PARVA: variants seen among roughly 807,000 people sequenced by gnomAD.
The protein encoded by PARVA is parvin alpha, also known as alpha-parvin.
A neutral mutation model predicts 52.6 loss-of-function variants in PARVA; 25 were observed. That is an observed-to-expected ratio of 0.48 (90% CI 0.35 to 0.66). The LOEUF is 0.66. PARVA is among the 30% of genes least tolerant of loss of function. The pLI is 0.01. For missense variants in PARVA, 373 were observed against 450.9 expected, an observed-to-expected ratio of 0.83 and a Z score of 1.56; for synonymous variants, 185 against 179.1, an observed-to-expected ratio of 1.03 and a Z score of -0.26.
intron 12 of PARVA, among the ~76,000 whole-genome samples, chr11:12,520,697 C>T (rs1016500414): frequency 1.3e-5 from 2 of 152,182 alleles, no homozygotes; most frequent in Non-Finnish European, 2.9e-5. Flanking sequence ...CACCTGTAAT[C>T]CCAACACTTT....
chr11:12,395,005 C>T (rs4757421), intron 1 of PARVA, among the ~76,000 whole-genome samples: 10,194 of 151,256 alleles, frequency 0.067, 387 homozygotes, highest in South Asian at 0.1. Flanking sequence ...GCAGGAGAAT[C>T]GCTTGAACCC....
chr11:12,423,739 G>T (rs1413384701), intron 1 of PARVA, among the ~76,000 whole-genome samples: 3 of 152,144 alleles, frequency 2.0e-5, no homozygotes, highest in African/African-American at 7.2e-5. Flanking sequence ...CTATTGTCGT[G>T]ATTCTTAGTT....
intron 1 of PARVA, among the ~76,000 whole-genome samples, chr11:12,443,993 A>T (rs1940508404): frequency 6.6e-6 from 1 of 152,110 alleles, no homozygotes; most frequent in Non-Finnish European, 1.5e-5. Flanking sequence ...TGTAGTACTG[A>T]ACCTGGCTCC....
At chr11:12,515,386 C>G (rs1318574251) in intron 10 of PARVA, among the ~76,000 whole-genome samples, 2 of 152,174 alleles carry the variant, frequency 1.3e-5, no homozygotes, top group African/African-American at 2.4e-5. Flanking sequence ...GCTTCATGTA[C>G]TCTTGTAGGA....
At chr11:12,388,772 GTAAA>G (rs1362037564) in intron 1 of PARVA, among the ~76,000 whole-genome samples, 1 of 151,566 alleles carries the variant, frequency 6.6e-6, no homozygotes, top group African/African-American at 2.4e-5. Context: ...TTATTATAAT[GTAAA>G]TATTTTTGTG....
At chr11:12,463,689 C>G (rs529891992) in intron 1 of PARVA, among the ~76,000 whole-genome samples, 2 of 152,308 alleles carry the variant, frequency 1.3e-5, no homozygotes, top group Admixed American at 1.3e-4. Context: ...GCAGCCCACA[C>G]ATAAAGAGTG....
At chr11:12,475,762 T>C (rs988918655) in intron 3 of PARVA, among the ~76,000 whole-genome samples, 3 of 152,218 alleles carry the variant, frequency 2.0e-5, no homozygotes, top group African/African-American at 7.2e-5. Context: ...TAGGCCGCCA[T>C]GCAGCCCCTT....
Position 12,440,362 on chromosome 11 carries a change from C to T in PARVA, c.137-33383C>T, listed in dbSNP as rs117866362. Among the ~76,000 whole-genome samples the T allele has an allele frequency of 2.6e-3, 398 of 152,230 alleles. 7 individuals carry two copies. Among genetic ancestry groups the T allele is most frequent in the Non-Finnish European group, 1.1e-3 (77 of 68,014 alleles). ...AGCTAAGGGGGAGAGTCCAGGTGGC[C>T]GGTGGAGAGGTTTTGCTTCCTTGGG... On this transcript the variant is annotated intron_variant, in intron 1 of 12. Coordinates refer to ENST00000334956, the MANE Select transcript of PARVA (RefSeq NM_018222.5).
chr11:12,505,574 C>T (rs1229612870), intron 6 of PARVA, among the ~76,000 whole-genome samples: 2 of 152,166 alleles, frequency 1.3e-5, no homozygotes, highest in African/African-American at 2.4e-5. Flanking sequence ...GATAGGACTA[C>T]AAGTAAGAAG....
At chr11:12,516,532 C>A (rs1287561290) in intron 10 of PARVA, among the ~76,000 whole-genome samples, 1 of 152,206 alleles carries the variant, frequency 6.6e-6, no homozygotes, top group Admixed American at 6.5e-5. Flanking sequence ...CTGAGGGACT[C>A]TCCTGTCCCT....
intron 7 of PARVA, among the ~76,000 whole-genome samples, chr11:12,509,636 G>A (rs1172945311): frequency 6.6e-6 from 1 of 152,206 alleles, no homozygotes; most frequent in Non-Finnish European, 1.5e-5. Flanking sequence ...AAGGACTAAG[G>A]GGCGTGGGCA....
intron 5 of PARVA, among the ~76,000 whole-genome samples, chr11:12,498,024 G>C (rs1331449926): frequency 3.9e-5 from 6 of 152,088 alleles, no homozygotes; most frequent in Admixed American, 3.3e-4. Context: ...GAAGAACAGA[G>C]TCTTTTATTA....
intron 12 of PARVA, among the ~76,000 whole-genome samples, chr11:12,519,571 A>T (rs1941612006): frequency 6.6e-6 from 1 of 152,138 alleles, no homozygotes; most frequent in South Asian, 2.1e-4. Flanking sequence ...GTCTTGGGGG[A>T]GGAACAGTTT....
chr11:12,416,665 C>T (rs965188979), intron 1 of PARVA, among the ~76,000 whole-genome samples: 9 of 150,264 alleles, frequency 6.0e-5, no homozygotes, highest in African/African-American at 9.8e-5. Flanking sequence ...GAGAAAGAAG[C>T]GAGTGGAGAG....
chr11:12,427,643 CA>C (rs950481536), intron 1 of PARVA, among the ~76,000 whole-genome samples: 25 of 151,802 alleles, frequency 1.6e-4, no homozygotes, highest in Non-Finnish European at 3.1e-4. Context: ...TAAAGGCATA[CA>C]AAAAAACAAT....
intron 5 of PARVA, among the ~76,000 whole-genome samples, chr11:12,501,608 A>G (rs1941364203): frequency 6.6e-6 from 1 of 152,210 alleles, no homozygotes; most frequent in African/African-American, 2.4e-5. Flanking sequence ...TGTGCTTCAT[A>G]TTTAAAAGTT....
chr11:12,445,732 G>A (rs1051783172), intron 1 of PARVA, among the ~76,000 whole-genome samples: 1 of 152,076 alleles, frequency 6.6e-6, no homozygotes, highest in South Asian at 2.1e-4. Flanking sequence ...AAAGCGGGAC[G>A]TTTAAAATAA....
At position 12,406,661 on chromosome 11, in the gene PARVA, G is replaced by GTT. The variant is rs571973101; in HGVS notation, c.136+28904_136+28905dup. The stretch of plus-strand genomic sequence containing the variant: ...ATTGTTAGCTATTTAGGTTGTATCT[G>GTT]TTTTTTTTTTTTTTTTTTTTTTTTT... On this transcript the variant is annotated intron_variant, in intron 1 of 12. Transcript: ENST00000334956. Among the ~76,000 whole-genome samples, 278 of 77,788 alleles carry GTT rather than the reference G, an allele frequency of 3.6e-3. 45 individuals are homozygous for GTT. The highest frequency in any genetic ancestry group is 4.7e-3 in the Non-Finnish European group (188 of 39,696). 51.0% of individuals were successfully genotyped at this position (77,788 alleles called of 152,430 possible).
At chr11:12,427,036 AAAG>A (rs1940247127) in intron 1 of PARVA, among the ~76,000 whole-genome samples, 1 of 152,240 alleles carries the variant, frequency 6.6e-6, no homozygotes, top group African/African-American at 2.4e-5. Flanking sequence ...GAAAAGAAAC[AAAG>A]TAGTAAGCTA....
Sources: gnomAD v4.1 joint callset for allele counts (sites outside exome capture counted in the v4.1 genomes callset) on GRCh38, gnomAD v4.1.1 for gene constraint, MANE v1.5 for transcripts, NCBI Gene and HGNC (gene_info 2026-07-23, HGNC 2026-07-21) for gene names.